DESI2: variants seen among roughly 807,000 people sequenced by gnomAD.
DESI2 encodes desumoylating isopeptidase 2, also known as deubiquitinase DESI2.
In DESI2, 10 loss-of-function variants were observed where a neutral mutation model predicts 24.1. That is an observed-to-expected ratio of 0.41 (90% CI 0.26 to 0.70). The LOEUF is 0.70. Ranked by LOEUF, DESI2 falls within the 30% of genes least tolerant of loss-of-function variation. The pLI is 0.29. For missense variants in DESI2, 122 were observed against 234.9 expected (o/e 0.52, Z 3.14); for synonymous variants, 71 against 87.7 (o/e 0.81, Z 1.06).
intron 1 of DESI2, 71 bp from the exon 2 acceptor site, chr1:244,686,526 T>G: frequency 1.1e-6 from 1 of 934,512 alleles, no homozygotes; most frequent in Non-Finnish European, 1.7e-6. Flanking sequence ...TGGGGAGCAG[T>G]CACTTCTGTA....
In DESI2 at chr1:244,708,839, AGT is replaced by A. The variant is rs1333382694; in HGVS notation, c.*3053_*3054del. The A allele has an allele frequency of 1.3e-5, 2 of 152,574 alleles. No homozygotes were observed. The highest frequency in any genetic ancestry group is 4.8e-5 in the African/African-American group (2 of 41,428). 9.5% of individuals were successfully genotyped at this position (152,574 alleles called of 1,614,324 possible). A position where few individuals can be genotyped will look rare whatever the true frequency, so the allele number is the denominator to read the frequency against. Reference sequence around the variant, plus strand: ...ACATGTACATCTTTACTGTTTGAAAAGTGTTACAGCTGTCAAAGAATCTTCAT... The same window carrying A: ...ACATGTACATCTTTACTGTTTGAAAAGTTACAGCTGTCAAAGAATCTTCAT... On this transcript the variant is annotated 3_prime_UTR_variant, in exon 5 of 5. Coordinates refer to ENST00000302550, the MANE Select transcript of DESI2 (RefSeq NM_016076.5).
At chr1:244,661,820 T>C (rs1675856090) in intron 1 of DESI2, among the ~76,000 whole-genome samples, 1 of 152,236 alleles carries the variant, frequency 6.6e-6, no homozygotes, top group African/African-American at 2.4e-5. Context: ...TGATGGACAT[T>C]TGGGTTGGTT....
At chr1:244,657,516 C>G (rs1436122389) in intron 1 of DESI2, among the ~76,000 whole-genome samples, 1 of 152,226 alleles carries the variant, frequency 6.6e-6, no homozygotes, top group Non-Finnish European at 1.5e-5. Context: ...AGTCAGTCAG[C>G]TGGCCCTGTC....
intron 4 of DESI2, among the ~76,000 whole-genome samples, chr1:244,701,250 G>GAAGAA (rs1456084794): frequency 9.9e-6 from 1 of 100,510 alleles, no homozygotes; most frequent in African/African-American, 4.2e-5. Context: ...TTTAACTGCT[G>GAAGAA]AAGAAATTAA....
At chr1:244,681,713 G>A (rs1558659382) in intron 1 of DESI2, among the ~76,000 whole-genome samples, 2 of 152,180 alleles carry the variant, frequency 1.3e-5, no homozygotes, top group African/African-American at 2.4e-5. Flanking sequence ...ACTTCATTTT[G>A]TCCTTAGTAT....
intron 1 of DESI2, among the ~76,000 whole-genome samples, chr1:244,658,477 C>T (rs1489757489): frequency 6.6e-6 from 1 of 152,166 alleles, no homozygotes; most frequent in African/African-American, 2.4e-5. Context: ...AACTCCTATG[C>T]CCTAGTTGTG....
chr1:244,683,031 T>TGGAGGGTCAGTGGATGG (rs2148801146), intron 1 of DESI2, among the ~76,000 whole-genome samples: 1 of 151,956 alleles, frequency 6.6e-6, no homozygotes, highest in African/African-American at 2.4e-5. Context: ...GGGAGCAGGG[T>TGGAGGGTCAGTGGATGG]GGAGGGTCAG....
chr1:244,692,046 T>A (rs1677047914), intron 4 of DESI2, 26 bp downstream of exon 4: 2 of 1,562,236 alleles, frequency 1.3e-6, no homozygotes, highest in Admixed American at 4.1e-5. Context: ...TCCTAAAAGT[T>A]CTTCAAATAA....
At chr1:244,663,787 G>A (rs1436853965) in intron 1 of DESI2, among the ~76,000 whole-genome samples, 1 of 151,994 alleles carries the variant, frequency 6.6e-6, no homozygotes, top group African/African-American at 2.4e-5. Flanking sequence ...GGGAGGCCAA[G>A]GTGGACGGAT....
At chr1:244,698,278 A>C (rs1484736495) in intron 4 of DESI2, among the ~76,000 whole-genome samples, 1 of 152,222 alleles carries the variant, frequency 6.6e-6, no homozygotes. Context: ...TGAAAGCAAA[A>C]TATGTCTCAC....
chr1:244,682,059 C>CT (rs1186519646), intron 1 of DESI2, among the ~76,000 whole-genome samples: 1 of 152,154 alleles, frequency 6.6e-6, no homozygotes, highest in Admixed American at 6.5e-5. Context: ...GCTGCAGACC[C>CT]TTGTGGTCAG....
rs1292953445 is a variant in DESI2 at position 244,706,889 on chromosome 1, TTG to T, written c.*1106_*1107del. 6 of 152,754 alleles carry T rather than the reference TTG, an allele frequency of 3.9e-5. No individual in the cohort carries two copies. In the East Asian group the frequency reaches 1.2e-3, roughly 29 times the overall value. The allele number at this position is 152,754 out of a possible 1,614,324, so 9.5% of individuals were successfully genotyped here. ...TTGACCAATCGTTAAAAAATCATAT[TTG>T]TGTGTCTTAAGATTCATATTTATAT... On this transcript the variant is annotated 3_prime_UTR_variant, in exon 5 of 5. Transcript: ENST00000302550.
intron 4 of DESI2, among the ~76,000 whole-genome samples, chr1:244,698,717 G>T (rs1369100203): frequency 2.6e-5 from 4 of 152,158 alleles, no homozygotes; most frequent in African/African-American, 9.7e-5. Flanking sequence ...CTTCTATTTG[G>T]GGATCAAGGC....
chr1:244,696,689 G>C lies in DESI2; in HGVS notation c.351+4669G>C, dbSNP rs531767468. ...ACAGAAGAGTTAACTACCATCATAG[G>C]CCTAAAACTGCTGTCCTTAGAAAGG... On this transcript the variant is annotated intron_variant, in intron 4 of 4. Transcript: ENST00000302550. 3.3e-5 allele frequency among the ~76,000 whole-genome samples: 5 copies of C among 152,276 alleles called. No homozygotes were observed. In the South Asian group the frequency reaches 1.0e-3, roughly 32 times the overall value.
At position 244,653,224 on chromosome 1, in the gene DESI2, C is replaced by A. The variant is rs930809758; in HGVS notation, c.-90C>A. On this transcript the variant is annotated 5_prime_UTR_variant, in exon 1 of 5. Transcript: ENST00000302550. The stretch of plus-strand genomic sequence containing the variant: ...CTGTACGCTTAGTGCCCGGCTCAGG[C>A]CCCCTGAAGCGCCCGCGGGGGTGAG... The A allele has an allele frequency of 7.5e-7, 1 of 1,340,518 alleles. No individual in the cohort carries two copies. Among genetic ancestry groups the A allele is most frequent in the Non-Finnish European group, 9.8e-7 (1 of 1,017,000 alleles). 83.0% of individuals were successfully genotyped at this position (1,340,518 alleles called of 1,614,324 possible).
At chr1:244,687,150 C>A (rs755978164) in intron 2 of DESI2, among the ~76,000 whole-genome samples, 48 of 152,188 alleles carry the variant, frequency 3.2e-4, no homozygotes, top group Non-Finnish European at 6.2e-4. Context: ...CTTATAAAAT[C>A]TATAAGTTTT....
intron 4 of DESI2, chr1:244,694,560 C>T: frequency 1.3e-6 from 1 of 790,550 alleles, no homozygotes; most frequent in Non-Finnish European, 2.3e-6. Flanking sequence ...GGTATTTTGT[C>T]TTTTAGCCTT....
At chr1:244,698,306 A>G (rs1677300812) in intron 4 of DESI2, among the ~76,000 whole-genome samples, 1 of 152,218 alleles carries the variant, frequency 6.6e-6, no homozygotes, top group African/African-American at 2.4e-5. Context: ...GATATTTACT[A>G]TGATTTTTGC....
chr1:244,661,196 G>A (rs1675827644), intron 1 of DESI2, among the ~76,000 whole-genome samples: 1 of 151,954 alleles, frequency 6.6e-6, no homozygotes, highest in Non-Finnish European at 1.5e-5. Context: ...CTCAGTCCCT[G>A]GTAATCATCA....
Sources: allele counts gnomAD v4.1 joint callset (sites outside exome capture counted in the v4.1 genomes callset), GRCh38; gene constraint gnomAD v4.1.1; transcripts MANE v1.5; gene names NCBI Gene and HGNC (gene_info 2026-07-23, HGNC 2026-07-21).